Variants in INVS observed in about 807,000 individuals in gnomAD.
INVS encodes inversin.
In INVS, 86 loss-of-function variants were observed where a neutral mutation model predicts 108.8. The observed-to-expected ratio is 0.79, with a 90% CI of 0.66 to 0.95. The LOEUF (loss-of-function observed/expected upper bound fraction) is 0.95. Ranked by LOEUF, INVS falls within the 40% of genes least tolerant of loss-of-function variation. The probability of loss-of-function intolerance (pLI) is 0.00; values close to 1 mark genes in which losing one functional copy is unlikely to be tolerated. For missense variants in INVS, 1,169 were observed against 1,297.4 expected (o/e 0.90, Z 1.52); for synonymous variants, 455 against 473.5 (o/e 0.96, Z 0.51).
At chr9:100,263,524 T>TA (rs1233129517) in intron 10 of INVS, among the ~76,000 whole-genome samples, 1 of 152,334 alleles carries the variant, frequency 6.6e-6, no homozygotes, top group Non-Finnish European at 1.5e-5. Context: ...GTATAATTCT[T>TA]ACACTCACCC....
chr9:100,264,218 T>A (rs939716626), intron 10 of INVS, among the ~76,000 whole-genome samples: 1 of 152,216 alleles, frequency 6.6e-6, no homozygotes, highest in Non-Finnish European at 1.5e-5. Flanking sequence ...AGTCTTATGT[T>A]CCCTCATAAT....
Position 100,122,576 on chromosome 9 carries a change from CTTTTTTTTT to C in INVS, c.107-3790_107-3782del, listed in dbSNP as rs1161036698. ...ATGTTATTGTATTTTAAGTGAGTTT[CTTTTTTTTT>C]TTTTTTTTTTTTTTTTGAGACAGAG... On this transcript the variant is annotated intron_variant, in intron 2 of 16. Coordinates refer to ENST00000262457, the MANE Select transcript of INVS (RefSeq NM_014425.5). Among the ~76,000 whole-genome samples, 56 of 57,524 alleles carry C rather than the reference CTTTTTTTTT, an allele frequency of 9.7e-4. 1 individual carries two copies. Among genetic ancestry groups the C allele is most frequent in the African/African-American group, 3.6e-3 (54 of 14,978 alleles). 37.7% of individuals were successfully genotyped at this position (57,524 alleles called of 152,430 possible). A position where few individuals can be genotyped will look rare whatever the true frequency, so the allele number is the denominator to read the frequency against.
At chr9:100,117,366 C>A in intron 2 of INVS, 1 of 753,744 alleles carries the variant, frequency 1.3e-6, no homozygotes, top group South Asian at 1.4e-5. Flanking sequence ...ATCTCAGATT[C>A]ATTAATGGGC....
intron 3 of INVS, among the ~76,000 whole-genome samples, chr9:100,160,835 A>G (rs976892235): frequency 4.0e-5 from 6 of 151,714 alleles, no homozygotes; most frequent in African/African-American, 1.4e-4. Context: ...GGCACCTGTA[A>G]CCCCAGCTAC....
At chr9:100,192,252 T>A (rs1258563727) in intron 3 of INVS, among the ~76,000 whole-genome samples, 2 of 135,550 alleles carry the variant, frequency 1.5e-5, no homozygotes, top group African/African-American at 5.7e-5. Context: ...AAAAAGAGTG[T>A]GTGTGTGTGT....
At chr9:100,209,665 G>A (rs1396444167) in intron 3 of INVS, among the ~76,000 whole-genome samples, 1 of 151,468 alleles carries the variant, frequency 6.6e-6, no homozygotes, top group African/African-American at 2.4e-5. Flanking sequence ...AGCTACTCAG[G>A]AGGCTGAGGC....
At chr9:100,237,586 C>T (rs957923171) in intron 5 of INVS, among the ~76,000 whole-genome samples, 3 of 152,284 alleles carry the variant, frequency 2.0e-5, no homozygotes, top group East Asian at 1.9e-4. Flanking sequence ...CTGTGCATCA[C>T]GGCTTCCCTT....
intron 3 of INVS, among the ~76,000 whole-genome samples, chr9:100,214,256 T>G (rs1242247382): frequency 6.6e-6 from 1 of 152,186 alleles, no homozygotes; most frequent in African/African-American, 2.4e-5. Context: ...GTCTGTTATC[T>G]ATTTTGACCC....
intron 2 of INVS, among the ~76,000 whole-genome samples, chr9:100,108,256 A>T (rs1827237773): frequency 6.6e-6 from 1 of 152,226 alleles, no homozygotes; most frequent in African/African-American, 2.4e-5. Context: ...TTAAAAACCA[A>T]AAAGCAATCA....
chr9:100,123,470 G>A (rs1827787249), intron 2 of INVS, among the ~76,000 whole-genome samples: 1 of 152,294 alleles, frequency 6.6e-6, no homozygotes, highest in Non-Finnish European at 1.5e-5. Context: ...CCACTGTAGA[G>A]CTATACAACA....
At chr9:100,171,527 T>C (rs551848173) in intron 3 of INVS, among the ~76,000 whole-genome samples, 10 of 152,284 alleles carry the variant, frequency 6.6e-5, no homozygotes, top group African/African-American at 2.4e-4. Context: ...GACTATGAGG[T>C]AGAAAACGTG....
At chr9:100,259,583 G>T (rs796673692) in intron 10 of INVS, among the ~76,000 whole-genome samples, 66 of 147,946 alleles carry the variant, frequency 4.5e-4, no homozygotes, top group African/African-American at 1.6e-3. Flanking sequence ...TTCCTCCCAG[G>T]CTGGAGCGCA....
rs570650494 is a variant in INVS at position 100,288,964 on chromosome 9, T to C, written c.2069-3362T>C. ...TTATGCTGAGGCCTATGAGACTCTTTTGCTGGTTGGAAAGAATAAAAATGT... is the reference window on the plus strand; with the variant it reads ...TTATGCTGAGGCCTATGAGACTCTTCTGCTGGTTGGAAAGAATAAAAATGT... On this transcript the variant is annotated intron_variant, in intron 13 of 16. Coordinates refer to ENST00000262457, the MANE Select transcript of INVS (RefSeq NM_014425.5). Among the ~76,000 whole-genome samples the C allele has an allele frequency of 5.5e-5, 8 of 144,696 alleles. No homozygotes were observed. The East Asian group carries it at 1.5e-3, about 28-fold the overall frequency. 94.9% of individuals were successfully genotyped at this position (144,696 alleles called of 152,430 possible). A position where few individuals can be genotyped will look rare whatever the true frequency, so the allele number is the denominator to read the frequency against.
intron 1 of INVS, among the ~76,000 whole-genome samples, chr9:100,099,672 T>C (rs1488766144): frequency 6.6e-6 from 1 of 152,182 alleles, no homozygotes; most frequent in Non-Finnish European, 1.5e-5. Context: ...GTAGATGTGG[T>C]ACGGGATGGG....
At chr9:100,113,713 C>T (rs1827419528) in intron 2 of INVS, among the ~76,000 whole-genome samples, 2 of 152,022 alleles carry the variant, frequency 1.3e-5, no homozygotes, top group African/African-American at 4.8e-5. Context: ...TTAACTCAAA[C>T]ATTTATCATT....
chr9:100,264,706 T>C (rs1215926932), intron 10 of INVS, 116 bp from the exon 11 acceptor site: 1 of 747,622 alleles, frequency 1.3e-6, no homozygotes, highest in African/African-American at 1.7e-5. Flanking sequence ...TTTTCCCTTT[T>C]TGTAAATAAG....
chr9:100,290,389 G>A (rs112505949), intron 13 of INVS, among the ~76,000 whole-genome samples: 26,484 of 151,956 alleles, frequency 0.17, 2,694 homozygotes, highest in African/African-American at 0.28. Flanking sequence ...CGCTCTTGTC[G>A]CCTAGGCTGG....
chr9:100,229,979 A>G, intron 5 of INVS, 152 bp downstream of exon 5: 1 of 720,848 alleles, frequency 1.4e-6, no homozygotes, highest in Non-Finnish European at 2.3e-6. Context: ...AAGAAGTAGA[A>G]CATTTCAGTA....
At position 100,175,514 on chromosome 9, in the gene INVS, G is replaced by T; in HGVS notation, c.273+48965G>T. On this transcript the variant is annotated intron_variant, in intron 3 of 16. Coordinates refer to ENST00000262457, the MANE Select transcript of INVS (RefSeq NM_014425.5). ...AGAAATACCTCAGCCTCCAGCAGAT[G>T]CAAGAACTTTACAGCATCCTGAATC... 4.0e-6 allele frequency: 3 copies of T among 755,796 alleles called. No homozygotes were observed. The South Asian group carries it at 4.2e-5, about 11-fold the overall frequency. The allele number at this position is 755,796 out of a possible 1,614,324, so 46.8% of individuals were successfully genotyped here. A position where few individuals can be genotyped will look rare whatever the true frequency, so the allele number is the denominator to read the frequency against.
Sources: allele counts gnomAD v4.1 joint callset (sites outside exome capture counted in the v4.1 genomes callset), GRCh38; gene constraint gnomAD v4.1.1; transcripts MANE v1.5; gene names NCBI Gene and HGNC (gene_info 2026-07-23, HGNC 2026-07-21).